PDE11A: variants seen among roughly 807,000 people sequenced by gnomAD.
The protein encoded by PDE11A is phosphodiesterase 11A, also known as dual 3',5'-cyclic-AMP and -GMP phosphodiesterase 11A.
PDE11A carries 100 observed loss-of-function variants against 100.5 expected under a neutral mutation model. The ratio of observed to expected loss-of-function variants is 1.00; its 90% CI spans 0.85 to 1.18. PDE11A has a LOEUF of 1.18. Among genes scored for constraint, PDE11A ranks in the 50% most tolerant of loss-of-function variants. PDE11A has a pLI of 0.00. For synonymous variants in PDE11A, 381 were observed against 420.8 expected (o/e 0.91, Z 1.16); for missense variants, 1,141 against 1,152.6 (o/e 0.99, Z 0.15).
At chr2:177,749,991 T>C (rs1258955738) in intron 10 of PDE11A, among the ~76,000 whole-genome samples, 1 of 152,242 alleles carries the variant, frequency 6.6e-6, no homozygotes, top group East Asian at 1.9e-4. Context: ...TTTACAACAG[T>C]ACATAATCTC....
intron 2 of PDE11A, among the ~76,000 whole-genome samples, chr2:177,999,854 C>CA (rs943831027): frequency 6.6e-6 from 1 of 152,204 alleles, no homozygotes; most frequent in African/African-American, 2.4e-5. Flanking sequence ...AATAGACCTT[C>CA]AAAGCATCTC....
intron 7 of PDE11A, among the ~76,000 whole-genome samples, chr2:177,819,512 G>C (rs2083099595): frequency 6.6e-6 from 1 of 151,842 alleles, no homozygotes. Flanking sequence ...AATTCTCCTT[G>C]CCTGGGCTTC....
At position 177,697,369 on chromosome 2, in the gene PDE11A, G is replaced by A. The variant is rs886043416; in HGVS notation, c.2308C>T (p.Gln770Ter). 1.1e-5 allele frequency: 17 copies of A among 1,599,170 alleles called. No homozygotes were observed. Among genetic ancestry groups the A allele is most frequent in the Non-Finnish European group, 1.5e-5 (17 of 1,166,566 alleles). The change falls in exon 15 of 20, where the codon CAG becomes TAG. Residue 770 changes from glutamine (Q) to a stop codon, truncating the protein, a stop_gained. Coordinates refer to ENST00000286063, the MANE Select transcript of PDE11A (RefSeq NM_016953.4). LOFTEE classifies it high-confidence loss of function. ...EYSDLMQLLK[Q>*]SILATDLTLY... is the part of the protein sequence containing the mutation. ...GTGAGGTCTGTTGCCAATATTGACT[G>A]CTTCAAAAGCTGCATAAGGTCACTA... is the stretch of plus-strand genomic sequence containing the variant.
chr2:178,022,655 C>G (rs537570037), intron 1 of PDE11A, among the ~76,000 whole-genome samples: 1 of 151,758 alleles, frequency 6.6e-6, no homozygotes, highest in South Asian at 2.1e-4. Flanking sequence ...AGTAAGAAGG[C>G]AAAAAATGTG....
intron 5 of PDE11A, among the ~76,000 whole-genome samples, chr2:177,862,868 T>C (rs917486806): frequency 4.0e-5 from 6 of 151,824 alleles, no homozygotes; most frequent in Admixed American, 6.6e-5. Context: ...AGACCCCAAA[T>C]AGCCAAAACA....
At chr2:177,841,533 T>A (rs544136682) in intron 5 of PDE11A, among the ~76,000 whole-genome samples, 68 of 152,346 alleles carry the variant, frequency 4.5e-4, no homozygotes, top group Non-Finnish European at 8.8e-4. Context: ...TATGCAATAA[T>A]GTCCCTGTGT....
intron 10 of PDE11A, among the ~76,000 whole-genome samples, chr2:177,739,206 C>G (rs1267666473): frequency 6.6e-6 from 1 of 152,142 alleles, no homozygotes; most frequent in Admixed American, 6.5e-5. Context: ...CCTGATCTTG[C>G]CCTGCTTGTC....
At chr2:177,983,444 A>G (rs769607648) in intron 2 of PDE11A, among the ~76,000 whole-genome samples, 34 of 152,310 alleles carry the variant, frequency 2.2e-4, no homozygotes, top group Middle Eastern at 3.4e-3. Flanking sequence ...TACTCTAAAA[A>G]GTGAGCCAGT....
chr2:177,920,735 G>A (rs1574279747), intron 2 of PDE11A, among the ~76,000 whole-genome samples: 1 of 152,104 alleles, frequency 6.6e-6, no homozygotes, highest in Non-Finnish European at 1.5e-5. Context: ...TAGTGAAGAT[G>A]GTAAATTATA....
At chr2:177,719,943 G>T (rs1225547610) in intron 12 of PDE11A, among the ~76,000 whole-genome samples, 1 of 152,176 alleles carries the variant, frequency 6.6e-6, no homozygotes, top group East Asian at 1.9e-4. Context: ...TACTTAACAT[G>T]AAGAGTCTGC....
intron 2 of PDE11A, among the ~76,000 whole-genome samples, chr2:177,917,461 C>T (rs2084970556): frequency 6.6e-6 from 1 of 152,192 alleles, no homozygotes; most frequent in Non-Finnish European, 1.5e-5. Context: ...TCCAGGAAAG[C>T]TATAAATTTA....
At chr2:177,785,340 A>G (rs1341017031) in intron 9 of PDE11A, among the ~76,000 whole-genome samples, 1 of 152,172 alleles carries the variant, frequency 6.6e-6, no homozygotes, top group African/African-American at 2.4e-5. Context: ...GGTAACCACA[A>G]TGGTTTGGGC....
chr2:177,910,741 CA>C (rs1235966183), intron 2 of PDE11A, among the ~76,000 whole-genome samples: 6 of 152,144 alleles, frequency 3.9e-5, no homozygotes, highest in Admixed American at 2.6e-4. Flanking sequence ...CCTGGAAACT[CA>C]TTAAACTATC....
chr2:177,832,725 T>C (rs1437215024), intron 6 of PDE11A, among the ~76,000 whole-genome samples: 1 of 152,140 alleles, frequency 6.6e-6, no homozygotes, highest in East Asian at 1.9e-4. Flanking sequence ...AACTGGTATA[T>C]GACCTTCGAG....
intron 5 of PDE11A, among the ~76,000 whole-genome samples, chr2:177,862,366 A>G (rs1169741976): frequency 6.6e-6 from 1 of 151,804 alleles, no homozygotes; most frequent in Non-Finnish European, 1.5e-5. Flanking sequence ...TGCCTCTCCA[A>G]GGAACTGTAA....
intron 2 of PDE11A, among the ~76,000 whole-genome samples, chr2:177,991,498 G>A (rs1375438448): frequency 2.7e-5 from 4 of 150,014 alleles, no homozygotes; most frequent in South Asian, 4.3e-4. Context: ...AGCCAGGCGT[G>A]GTGGCAGGCA....
At chr2:177,934,441 T>C (rs2105766433) in intron 2 of PDE11A, among the ~76,000 whole-genome samples, 1 of 152,194 alleles carries the variant, frequency 6.6e-6, no homozygotes, top group South Asian at 2.1e-4. Flanking sequence ...TGAGATACCA[T>C]CTCACAGCAG....
rs189415788 is a variant in PDE11A at position 177,707,239 on chromosome 2, C to A, written c.2153+4530G>T. On this transcript the variant is annotated intron_variant, in intron 13 of 19. Coordinates refer to ENST00000286063, the MANE Select transcript of PDE11A (RefSeq NM_016953.4). ...TAAAATGGAGACAAGAATATCAACT[C>A]TAAAGAGTTGATGTTGGTAAGGGCT... 1.4e-4 allele frequency among the ~76,000 whole-genome samples: 22 copies of A among 152,276 alleles called. No individual in the cohort carries two copies. The East Asian group carries it at 4.2e-3, about 29-fold the overall frequency.
chr2:177,867,473 T>C (rs1042698920), intron 5 of PDE11A, among the ~76,000 whole-genome samples: 1 of 152,176 alleles, frequency 6.6e-6, no homozygotes, highest in African/African-American at 2.4e-5. Flanking sequence ...CTGACGCCTG[T>C]AATTCCAGCA....
Sources: gnomAD v4.1 joint callset for allele counts (sites outside exome capture counted in the v4.1 genomes callset) on GRCh38, gnomAD v4.1.1 for gene constraint, MANE v1.5 for transcripts, NCBI Gene and HGNC (gene_info 2026-07-23, HGNC 2026-07-21) for gene names.